Variants in RORA observed in about 807,000 individuals in gnomAD.
RORA encodes the protein nuclear receptor ROR-alpha.
Under a neutral mutation model 69.5 loss-of-function variants are expected in RORA, and 7 were observed. That is an observed-to-expected ratio of 0.10 (90% CI 0.06 to 0.19). The LOEUF (loss-of-function observed/expected upper bound fraction) is 0.19. Ranked by LOEUF, RORA falls within the 10% of genes least tolerant of loss-of-function variation. The pLI is 1.00. For synonymous variants in RORA, 261 were observed against 240.8 expected (o/e 1.08, Z -0.78); for missense variants, 457 against 663.0 (o/e 0.69, Z 3.41).
chr15:61,229,197 G>A lies in RORA; in HGVS notation c.22C>T (p.Pro8Ser). The change falls in exon 1 of 11, where the codon CCC becomes TCC. Residue 8 changes from proline (P) to serine (S), a missense_variant. By Grantham distance (74) the Pro-to-Ser change is moderately conservative (BLOSUM62 -1). Around this residue, in one of 3 missense-constraint regions of RORA, gnomAD observed 119 missense variants for 92.4 expected, o/e 1.29. Transcript: ENST00000335670. MESAPAAPDPAASEPGSS... is the reference protein window; with the variant it reads MESAPAASDPAASEPGSS... Reference sequence around the variant, plus strand: ...CCTGGCTCGCTGGCGGCGGGGTCGGGGGCTGCCGGAGCTGACTCCATGTTT... The same window carrying A: ...CCTGGCTCGCTGGCGGCGGGGTCGGAGGCTGCCGGAGCTGACTCCATGTTT... 6 of 1,547,810 alleles carry A rather than the reference G, an allele frequency of 3.9e-6. No homozygotes were observed. Among genetic ancestry groups the A allele is most frequent in the Non-Finnish European group, 5.2e-6 (6 of 1,149,932 alleles).
intron 2 of RORA, among the ~76,000 whole-genome samples, chr15:60,644,371 T>A (rs537988119): frequency 6.6e-5 from 10 of 152,326 alleles, no homozygotes; most frequent in African/African-American, 2.4e-4. Flanking sequence ...GCTAATAACA[T>A]TCATTGAAAG....
At chr15:60,927,417 T>C (rs1892249558) in intron 1 of RORA, among the ~76,000 whole-genome samples, 1 of 152,188 alleles carries the variant, frequency 6.6e-6, no homozygotes, top group Non-Finnish European at 1.5e-5. Flanking sequence ...CTTCTTTCAA[T>C]TTCGAATATA....
At chr15:60,748,492 G>A (rs1270842211) in intron 1 of RORA, among the ~76,000 whole-genome samples, 1 of 152,154 alleles carries the variant, frequency 6.6e-6, no homozygotes, top group Non-Finnish European at 1.5e-5. Flanking sequence ...TGACTTATAT[G>A]TCAACTCACA....
intron 1 of RORA, among the ~76,000 whole-genome samples, chr15:61,032,461 T>C (rs1595896091): frequency 6.6e-6 from 1 of 152,336 alleles, no homozygotes; most frequent in African/African-American, 2.4e-5. Flanking sequence ...TTTCAAACTA[T>C]AAGCCACTAA....
chr15:60,799,733 A>G (rs1204038629), intron 1 of RORA, among the ~76,000 whole-genome samples: 1 of 152,140 alleles, frequency 6.6e-6, no homozygotes, highest in African/African-American at 2.4e-5. Flanking sequence ...TTCCCCTGCA[A>G]TCTGATGTTC....
At chr15:60,729,834 G>A (rs1406348131) in intron 1 of RORA, among the ~76,000 whole-genome samples, 4 of 152,200 alleles carry the variant, frequency 2.6e-5, no homozygotes, top group African/African-American at 9.6e-5. Context: ...GTCAGGGTTA[G>A]GGATGGTATT....
intron 1 of RORA, among the ~76,000 whole-genome samples, chr15:60,861,531 G>A (rs963495315): frequency 3.3e-5 from 5 of 152,132 alleles, no homozygotes; most frequent in African/African-American, 9.7e-5. Flanking sequence ...TAGATTGACT[G>A]ATTGATTGAG....
intron 1 of RORA, among the ~76,000 whole-genome samples, chr15:60,900,644 C>T (rs60922822): frequency 0.015 from 2,351 of 152,138 alleles, 51 homozygotes; most frequent in African/African-American, 0.054. Flanking sequence ...GAGGCCGAGG[C>T]GGGTGCATCA....
rs188036633 is a variant in RORA, at chr15:60,714,700, A to G, written c.167-36014T>C. On this transcript the variant is annotated intron_variant, in intron 1 of 10. Coordinates refer to ENST00000335670, the MANE Select transcript of RORA (RefSeq NM_134261.3). ...TTTAAAGAAGGATTTTTCTTCTTAC[A>G]TAGAAAATTTGTGTTTAAGGGGGAT... Among the ~76,000 whole-genome samples the G allele has an allele frequency of 8.5e-5, 13 of 152,258 alleles. No individual in the cohort carries two copies. In the East Asian group the frequency reaches 2.5e-3, roughly 29 times the overall value.
At chr15:60,697,911 C>T (rs953004829) in intron 1 of RORA, among the ~76,000 whole-genome samples, 6 of 152,094 alleles carry the variant, frequency 3.9e-5, no homozygotes, top group Non-Finnish European at 5.9e-5. Context: ...ACAACACTTC[C>T]GCTTGTGAAG....
chr15:60,620,949 C>T (rs1741919272), intron 2 of RORA, among the ~76,000 whole-genome samples: 2 of 152,204 alleles, frequency 1.3e-5, no homozygotes, highest in Admixed American at 1.3e-4. Flanking sequence ...TGCTGCAATC[C>T]CGGGCTGCGT....
chr15:61,000,451 C>G (rs2140379855), intron 1 of RORA, among the ~76,000 whole-genome samples: 1 of 152,250 alleles, frequency 6.6e-6, no homozygotes, highest in Non-Finnish European at 1.5e-5. Context: ...TAATGACACA[C>G]TGGTGAGTGA....
At chr15:61,104,652 G>A (rs934900093) in intron 1 of RORA, among the ~76,000 whole-genome samples, 5 of 152,026 alleles carry the variant, frequency 3.3e-5, no homozygotes, top group African/African-American at 9.7e-5. Flanking sequence ...TCTCTACTCA[G>A]CTCCACTGAA....
intron 2 of RORA, among the ~76,000 whole-genome samples, chr15:60,542,499 CAGGCACAT>C (rs1567073042): frequency 3.6e-4 from 52 of 143,874 alleles, no homozygotes; most frequent in African/African-American, 1.3e-3. Context: ...ACACGGCACA[CAGGCACAT>C]CTCACACATG....
intron 1 of RORA, among the ~76,000 whole-genome samples, chr15:61,140,035 G>C (rs2079283623): frequency 6.6e-6 from 1 of 152,138 alleles, no homozygotes; most frequent in African/African-American, 2.4e-5. Flanking sequence ...CAGTTGTACT[G>C]CTATAAATGT....
At chr15:61,162,919 A>C (rs1411847886) in intron 1 of RORA, among the ~76,000 whole-genome samples, 1 of 152,208 alleles carries the variant, frequency 6.6e-6, no homozygotes. Flanking sequence ...TGCTACATTT[A>C]ATAGGGTCAG....
At chr15:60,976,294 T>A (rs1566930682) in intron 1 of RORA, among the ~76,000 whole-genome samples, 1 of 152,186 alleles carries the variant, frequency 6.6e-6, no homozygotes, top group Non-Finnish European at 1.5e-5. Context: ...CACCCAACAG[T>A]TCTGCAAGTC....
chr15:60,846,684 C>G (rs2073269663), intron 1 of RORA, among the ~76,000 whole-genome samples: 1 of 152,198 alleles, frequency 6.6e-6, no homozygotes, highest in Non-Finnish European at 1.5e-5. Context: ...GGCTGGATGA[C>G]AGGGTCAAGA....
chr15:60,519,448 A>G (rs2066083722), intron 3 of RORA, among the ~76,000 whole-genome samples: 1 of 152,200 alleles, frequency 6.6e-6, no homozygotes, highest in African/African-American at 2.4e-5. Context: ...ATGACTTCAC[A>G]TAGTTTAACT....
Sources: allele counts gnomAD v4.1 joint callset (sites outside exome capture counted in the v4.1 genomes callset), GRCh38; gene constraint gnomAD v4.1.1; regional missense constraint gnomAD v4.1.1; transcripts MANE v1.5; gene names NCBI Gene and HGNC (gene_info 2026-07-23, HGNC 2026-07-21).